The following PCDHGA7 variants were observed in gnomAD, a reference collection of about 807,000 sequenced individuals.
PCDHGA7 encodes the protein protocadherin gamma subfamily A, 7.
PCDHGA7 carries 44 observed loss-of-function variants against 58.3 expected under a neutral mutation model. The observed-to-expected ratio is 0.75, with a 90% confidence interval of 0.59 to 0.97. The LOEUF is 0.97. Ranked by LOEUF, PCDHGA7 falls within the 50% of genes least tolerant of loss-of-function variation. The pLI, the probability that PCDHGA7 is intolerant of heterozygous loss-of-function variation, is 0.00. For missense variants in PCDHGA7, 1,266 were observed against 1,188.7 expected (o/e 1.06, Z -0.96); for synonymous variants, 516 against 504.2 (o/e 1.02, Z -0.31).
intron 1 of PCDHGA7, chr5:141,399,154 G>T (rs780620346): frequency 1.2e-6 from 2 of 1,613,850 alleles, no homozygotes; most frequent in South Asian, 1.1e-5. Context: ...TAGCCCAGAA[G>T]TTACATTCCA....
rs374154790 is a variant in PCDHGA7, at chr5:141,490,709, C to A, written c.2425-4098C>A. The A allele has an allele frequency of 3.2e-5, 52 of 1,614,218 alleles. No homozygotes were observed. In the African/African-American group the frequency reaches 6.3e-4, roughly 19 times the overall value. On this transcript the variant is annotated intron_variant, in intron 1 of 3. Coordinates refer to ENST00000518325, the MANE Select transcript of PCDHGA7 (RefSeq NM_018920.4). The surrounding 1 kb of genome is among the most constrained non-coding windows in gnomAD (Gnocchi z 5.4). ...GACACTGGGGATAATGCCCGCCTCA[C>A]CTACTCCATTGTAGGAAATCAGGTT...
intron 1 of PCDHGA7, chr5:141,405,031 CGTT>C: frequency 6.2e-7 from 1 of 1,613,968 alleles, no homozygotes; most frequent in Admixed American, 1.7e-5. Flanking sequence ...CCCTCTACCT[CGTT>C]GTGGCTGTGG....
In PCDHGA7 at chr5:141,486,184, A is replaced by G. The variant is rs2099625756; in HGVS notation, c.2425-8623A>G. 8 of 1,614,014 alleles carry G rather than the reference A, an allele frequency of 5.0e-6. No homozygotes were observed. Among genetic ancestry groups the G allele is most frequent in the Non-Finnish European group, 6.8e-6 (8 of 1,180,026 alleles). On this transcript the variant is annotated intron_variant, in intron 1 of 3. Transcript: ENST00000518325. This position sits in a 1 kb window ranked among gnomAD's most constrained non-coding sequence, Gnocchi z 5.0. ...CCATGGAGCAACATTGCAGCCTTCG[A>G]GTGGATCTGCTGGACGTAAATGACA...
intron 1 of PCDHGA7, among the ~76,000 whole-genome samples, chr5:141,446,802 G>T (rs2098516342): frequency 6.6e-6 from 1 of 152,130 alleles, no homozygotes; most frequent in South Asian, 2.1e-4. Flanking sequence ...CTTCCATTGT[G>T]ATCATCTAGT....
chr5:141,482,530 C>CAAAAAAAAAAA (rs3074545), intron 1 of PCDHGA7, among the ~76,000 whole-genome samples: 21 of 76,546 alleles, frequency 2.7e-4, no homozygotes, highest in African/African-American at 4.8e-4. Context: ...GACAGACATG[C>CAAAAAAAAAAA]AAAAAAAAAA....
intron 2 of PCDHGA7, among the ~76,000 whole-genome samples, chr5:141,501,009 C>T (rs2099804715): frequency 2.0e-5 from 3 of 152,040 alleles, no homozygotes; most frequent in Non-Finnish European, 4.4e-5. Context: ...GCTGGGACTA[C>T]AGGCACGCGC....
rs1288071067 is a variant in PCDHGA7 at position 141,404,171 on chromosome 5, GC to G, written c.2424+18851del. ...AGAAGATTATTACAGATTGTTGACG[GC>G]CCAAATTCTTGACCGAGAAAAAGCC... On this transcript the variant is annotated intron_variant, in intron 1 of 3. Coordinates refer to ENST00000518325, the MANE Select transcript of PCDHGA7 (RefSeq NM_018920.4). 5.6e-6 allele frequency: 9 copies of G among 1,612,616 alleles called. No homozygotes were observed. The African/African-American group carries it at 9.4e-5, about 17-fold the overall frequency.
At chr5:141,404,906 C>T (rs776779922) in intron 1 of PCDHGA7, 7 of 1,613,864 alleles carry the variant, frequency 4.3e-6, no homozygotes, top group Non-Finnish European at 5.1e-6. Context: ...CCATGGCCAG[C>T]CCCCTCTCTC....
Position 141,383,954 on chromosome 5 carries a change from T to C in PCDHGA7, c.1055T>C (p.Leu352Ser). 1 of 1,613,650 alleles carries C rather than the reference T, an allele frequency of 6.2e-7. No homozygotes were observed. The highest frequency in any genetic ancestry group is 8.5e-7 in the Non-Finnish European group (1 of 1,179,620). Residue 352 changes from leucine (L) to serine (S), a missense_variant, in exon 1 of 4, where the codon TTA (leucine) becomes TCA (serine). Physicochemically the swap from Leu to Ser is moderately radical, Grantham distance 145. Transcript: ENST00000518325. ...DNAPEVTMTS[L>S]SSSIPEDTPL... ...GCTCCAGAAGTGACTATGACGTCTT[T>C]AAGTAGCTCAATCCCTGAAGACACA...
chr5:141,406,294 G>C (rs1399208737), intron 1 of PCDHGA7, among the ~76,000 whole-genome samples: 1 of 151,910 alleles, frequency 6.6e-6, no homozygotes, highest in East Asian at 1.9e-4. Flanking sequence ...CACTGGGTGA[G>C]GTGTGAACCA....
chr5:141,464,970 G>A (rs550643230), intron 1 of PCDHGA7, among the ~76,000 whole-genome samples: 1 of 152,028 alleles, frequency 6.6e-6, no homozygotes, highest in East Asian at 1.9e-4. Flanking sequence ...TTGAACTACT[G>A]GCTTCAAGTG....
chr5:141,485,539 G>C lies in PCDHGA7; in HGVS notation c.2425-9268G>C, dbSNP rs370323886. The C allele has an allele frequency of 9.9e-6, 16 of 1,613,986 alleles. No homozygotes were observed. In the African/African-American group the frequency reaches 2.0e-4, roughly 20 times the overall value. On this transcript the variant is annotated intron_variant, in intron 1 of 3. Transcript: ENST00000518325. This position sits in a 1 kb window ranked among gnomAD's most constrained non-coding sequence, Gnocchi z 5.7. ...TGGAAATGTACCGAGCAGAGGTAGA[G>C]ATCGTAGATGTGAATGATCACGCCC... is the stretch of plus-strand genomic sequence containing the variant.
At chr5:141,408,566 G>A (rs779048929) in intron 1 of PCDHGA7, 2 of 1,613,912 alleles carry the variant, frequency 1.2e-6, no homozygotes, top group East Asian at 4.5e-5. Flanking sequence ...TGTCATTGTG[G>A]TGATTGAGGA....
At chr5:141,415,116 A>T in intron 1 of PCDHGA7, 1 of 1,613,652 alleles carries the variant, frequency 6.2e-7, no homozygotes, top group Non-Finnish European at 8.5e-7. Flanking sequence ...AAAGCCTCGT[A>T]GTGGCCGTCC....
chr5:141,422,260 G>A, intron 1 of PCDHGA7: 1 of 1,564,392 alleles, frequency 6.4e-7, no homozygotes, highest in South Asian at 1.2e-5. Context: ...GAATGATAAC[G>A]CTCCAGAAAT....
chr5:141,398,683 C>A, intron 1 of PCDHGA7: 1 of 1,613,914 alleles, frequency 6.2e-7, no homozygotes, highest in Non-Finnish European at 8.5e-7. Flanking sequence ...TAAGGAGAAA[C>A]AGGATGGTAG....
chr5:141,478,186 C>T, intron 1 of PCDHGA7: 2 of 1,614,016 alleles, frequency 1.2e-6, no homozygotes, highest in Non-Finnish European at 1.7e-6. Context: ...AAAAAAATCT[C>T]ACCTTTTATC....
intron 1 of PCDHGA7, chr5:141,421,871 CT>C: frequency 6.2e-7 from 1 of 1,613,756 alleles, no homozygotes; most frequent in Non-Finnish European, 8.5e-7. Flanking sequence ...CTCCTCACAG[CT>C]TTAGATGGAG....
At position 141,489,295 on chromosome 5, in the gene PCDHGA7, T is replaced by C. The variant is rs2099685128; in HGVS notation, c.2425-5512T>C. 1.3e-6 allele frequency: 2 copies of C among 1,581,054 alleles called. No individual in the cohort carries two copies. The highest frequency in any genetic ancestry group is 1.7e-5 in the Admixed American group (1 of 57,148). ...TGGGAAATGGCAAGTGCTGTGCATG[T>C]TGTCCTTGTGCTGCTGGGGCTGGGT... On this transcript the variant is annotated intron_variant, in intron 1 of 3. Transcript: ENST00000518325. The surrounding 1 kb of genome is among the most constrained non-coding windows in gnomAD (Gnocchi z 4.5).
Sources: gnomAD v4.1 joint callset for allele counts (sites outside exome capture counted in the v4.1 genomes callset) on GRCh38, gnomAD v4.1.1 for gene constraint, Gnocchi (gnomAD v3.1) non-coding constraint, MANE v1.5 for transcripts, NCBI Gene and HGNC (gene_info 2026-07-23, HGNC 2026-07-21) for gene names.